GLI3: variants seen among roughly 807,000 people sequenced by gnomAD.
The protein encoded by GLI3 is transcription activator GLI3.
Under a neutral mutation model 100.8 loss-of-function variants are expected in GLI3, and 20 were observed. That is an observed-to-expected ratio of 0.20 (90% CI 0.14 to 0.29). The LOEUF is 0.29. Ranked by LOEUF, GLI3 falls within the 10% of genes least tolerant of loss-of-function variation. The probability of loss-of-function intolerance (pLI) is 1.00; values close to 1 mark genes in which losing one functional copy is unlikely to be tolerated. For synonymous variants in GLI3, 938 were observed against 860.5 expected (o/e 1.09, Z -1.58); for missense variants, 2,040 against 2,128.5 (o/e 0.96, Z 0.82).
intron 1 of GLI3, among the ~76,000 whole-genome samples, chr7:42,261,997 TTTCTTTTC>T (rs199581224): frequency 1.4e-5 from 2 of 139,890 alleles, no homozygotes; most frequent in Non-Finnish European, 3.1e-5. Context: ...TCTTTCTTTC[TTTCTTTTC>T]TTTCTTTCCT....
At chr7:42,073,474 C>T (rs2128750876) in intron 4 of GLI3, among the ~76,000 whole-genome samples, 1 of 152,304 alleles carries the variant, frequency 6.6e-6, no homozygotes, top group East Asian at 1.9e-4. Context: ...CATTCAGAGG[C>T]AAATTAAGTG....
upstream of GLI3, among the ~76,000 whole-genome samples, chr7:42,240,501 C>A (rs1407738894): frequency 5.3e-5 from 8 of 152,168 alleles, no homozygotes; most frequent in Admixed American, 5.2e-4. Flanking sequence ...AAAGAAATTT[C>A]TCCCTTGCCT....
At chr7:42,244,650 A>C (rs924830303) in intron 1 of GLI3, among the ~76,000 whole-genome samples, 10 of 152,200 alleles carry the variant, frequency 6.6e-5, no homozygotes, top group African/African-American at 2.2e-4. Flanking sequence ...TGGATTATCC[A>C]GATTCTGGCC....
chr7:42,115,923 C>T (rs1212648536), intron 3 of GLI3, among the ~76,000 whole-genome samples: 13 of 151,910 alleles, frequency 8.6e-5, no homozygotes, highest in Admixed American at 8.5e-4. Context: ...AAAAATAAGA[C>T]CAAAATAGAG....
intron 2 of GLI3, among the ~76,000 whole-genome samples, chr7:42,217,880 T>C (rs982968883): frequency 6.6e-6 from 1 of 152,244 alleles, no homozygotes; most frequent in Non-Finnish European, 1.5e-5. Context: ...ACATGCTTTG[T>C]CCTAATAGCA....
intron 3 of GLI3, among the ~76,000 whole-genome samples, chr7:42,092,195 G>C (rs1045017877): frequency 6.6e-6 from 1 of 152,366 alleles, no homozygotes; most frequent in South Asian, 2.1e-4. Flanking sequence ...CAGAGTCCAA[G>C]AGCACACCTT....
chr7:42,260,694 G>T (rs1170966617), intron 1 of GLI3, among the ~76,000 whole-genome samples: 1 of 152,124 alleles, frequency 6.6e-6, no homozygotes, highest in Non-Finnish European at 1.5e-5. Flanking sequence ...AAACAAGAAG[G>T]GCAAGAAGAT....
chr7:42,001,282 CA>C (rs908122998), intron 10 of GLI3, among the ~76,000 whole-genome samples: 57 of 137,132 alleles, frequency 4.2e-4, no homozygotes, highest in African/African-American at 1.5e-3. Flanking sequence ...GAAACAAACA[CA>C]GAAGTATCCT....
intron 3 of GLI3, among the ~76,000 whole-genome samples, chr7:42,137,165 T>C (rs957412528): frequency 2.0e-5 from 3 of 152,194 alleles, no homozygotes; most frequent in African/African-American, 7.2e-5. Context: ...TGGCATAACA[T>C]TGTGGTGCAG....
chr7:42,124,454 G>A (rs1279378146), intron 3 of GLI3, among the ~76,000 whole-genome samples: 1 of 152,180 alleles, frequency 6.6e-6, no homozygotes, highest in Non-Finnish European at 1.5e-5. Context: ...CAACACCGGA[G>A]AAGCTGAGCA....
intron 4 of GLI3, among the ~76,000 whole-genome samples, chr7:42,062,712 G>GAC (rs10523955): frequency 0.3 from 45,032 of 149,544 alleles, 6,847 homozygotes; most frequent in African/African-American, 0.37. Flanking sequence ...CACACACACA[G>GAC]ACACACACAC....
chr7:42,076,777 G>T lies in GLI3; in HGVS notation c.448C>A (p.Pro150Thr). 1 of 1,606,026 alleles carries T rather than the reference G, an allele frequency of 6.2e-7. No homozygotes were observed. The highest frequency in any genetic ancestry group is 8.5e-7 in the Non-Finnish European group (1 of 1,172,582). ...ATATGCAATGGAGGAATCGGAGATG[G>T]ATCGTAATGGTAACGGCCCTCATGA... ...RHHEGRYHYD[P>T]SPIPPLHMTS... is the part of the protein sequence containing the mutation. The change falls in exon 4 of 15, where the codon CCA (proline) becomes ACA (threonine). Residue 150 changes from proline to threonine, a missense_variant. Around this residue, in one of 5 missense-constraint regions of GLI3, gnomAD observed 603 missense variants for 690.9 expected, o/e 0.87. Transcript: ENST00000395925.
chr7:42,094,019 G>A lies in GLI3; in HGVS notation c.368-17162C>T, dbSNP rs574618378. Among the ~76,000 whole-genome samples, 32 of 152,102 alleles carry A rather than the reference G, an allele frequency of 2.1e-4. No individual in the cohort carries two copies. The East Asian group carries it at 4.7e-3, about 22-fold the overall frequency. ...TACTAAGGAAACAGAGAGGAAGGGC[G>A]CAAAAGTCAAGCAGGAGATGAGGAG... On this transcript the variant is annotated intron_variant, in intron 3 of 14. Transcript: ENST00000395925.
At chr7:42,223,831 A>G (rs1313222972) in intron 1 of GLI3, among the ~76,000 whole-genome samples, 2 of 152,242 alleles carry the variant, frequency 1.3e-5, no homozygotes, top group African/African-American at 2.4e-5. Flanking sequence ...TGCCTCTTTC[A>G]TAAAGATATC....
At chr7:42,202,501 G>C (rs1386941136) in intron 2 of GLI3, among the ~76,000 whole-genome samples, 1 of 152,164 alleles carries the variant, frequency 6.6e-6, no homozygotes, top group African/African-American at 2.4e-5. Context: ...CAGAGCAGTA[G>C]TCAGTATCGA....
At chr7:42,262,797 T>A (rs1032827757) in intron 1 of GLI3, among the ~76,000 whole-genome samples, 6 of 152,346 alleles carry the variant, frequency 3.9e-5, no homozygotes, top group Middle Eastern at 3.4e-3. Context: ...CTAACATTAC[T>A]TTTTAAATTA....
chr7:42,128,017 T>TG (rs1333392920), intron 3 of GLI3, among the ~76,000 whole-genome samples: 1 of 51,968 alleles, frequency 1.9e-5, no homozygotes, highest in Non-Finnish European at 4.3e-5. Flanking sequence ...AGACCCTGAC[T>TG]CAAAAAAAAA....
intron 10 of GLI3, among the ~76,000 whole-genome samples, chr7:41,998,771 G>A (rs1788202440): frequency 6.6e-6 from 1 of 152,160 alleles, no homozygotes; most frequent in Admixed American, 6.5e-5. Context: ...GTCAACTTTG[G>A]ACATCAACAA....
intron 1 of GLI3, among the ~76,000 whole-genome samples, chr7:42,255,357 C>T (rs1429960781): frequency 6.6e-6 from 1 of 152,090 alleles, no homozygotes; most frequent in African/African-American, 2.4e-5. Flanking sequence ...GAAATTTATC[C>T]ATTGTAGGTA....
Sources: allele counts gnomAD v4.1 joint callset (sites outside exome capture counted in the v4.1 genomes callset), GRCh38; gene constraint gnomAD v4.1.1; regional missense constraint gnomAD v4.1.1; transcripts MANE v1.5; gene names NCBI Gene and HGNC (gene_info 2026-07-23, HGNC 2026-07-21).